HS3ST3B1: variants seen among roughly 807,000 people sequenced by gnomAD.
HS3ST3B1 encodes the protein heparan sulfate glucosamine 3-O-sulfotransferase 3B1.
A neutral mutation model predicts 21.3 loss-of-function variants in HS3ST3B1; 13 were observed. The observed-to-expected ratio is 0.61, with a 90% CI of 0.40 to 0.97. The LOEUF is 0.97. HS3ST3B1 is among the 50% of genes least tolerant of loss of function. The pLI is 0.00. For missense variants in HS3ST3B1, 459 were observed against 554.8 expected (o/e 0.83, Z 1.73); for synonymous variants, 234 against 254.8 (o/e 0.92, Z 0.78).
At chr17:14,302,495 G>A (rs886864) in intron 1 of HS3ST3B1, among the ~76,000 whole-genome samples, 2 of 152,000 alleles carry the variant, frequency 1.3e-5, no homozygotes, top group African/African-American at 2.4e-5. Flanking sequence ...CCGCCCTCAA[G>A]GAACTTCTAG....
intron 1 of HS3ST3B1, among the ~76,000 whole-genome samples, chr17:14,319,396 A>C (rs1006712550): frequency 1.3e-5 from 2 of 152,160 alleles, no homozygotes; most frequent in Admixed American, 1.3e-4. Context: ...GATTATATCC[A>C]TTTGGAAGCC....
In HS3ST3B1 at chr17:14,345,820, T is replaced by C; in HGVS notation, c.*174T>C. On this transcript the variant is annotated 3_prime_UTR_variant, in exon 2 of 2. Coordinates refer to ENST00000360954, the MANE Select transcript of HS3ST3B1 (RefSeq NM_006041.3). Reference sequence around the variant, plus strand: ...GAGTTAGCTTCATAATCTGTTAACATTCCAAAGTGTTTAACTCTAGTATTT... The same window carrying C: ...GAGTTAGCTTCATAATCTGTTAACACTCCAAAGTGTTTAACTCTAGTATTT... 1 of 817,866 alleles carries C rather than the reference T, an allele frequency of 1.2e-6. No homozygotes were observed. Among genetic ancestry groups the C allele is most frequent in the Non-Finnish European group, 1.8e-6 (1 of 549,234 alleles). 50.7% of individuals were successfully genotyped at this position (817,866 alleles called of 1,614,324 possible).
Position 14,345,460 on chromosome 17 carries a change from C to T in HS3ST3B1, c.987C>T (p.Asn329=). 6.7e-7 allele frequency: 1 copy of T among 1,481,880 alleles called. No individual in the cohort carries two copies. Among genetic ancestry groups the T allele is most frequent in the Non-Finnish European group, 9.3e-7 (1 of 1,069,858 alleles). The allele number at this position is 1,481,880 out of a possible 1,614,324, so 91.8% of individuals were successfully genotyped here. A position where few individuals can be genotyped will look rare whatever the true frequency, so the allele number is the denominator to read the frequency against. The change falls in exon 2 of 2, where the codon AAC becomes AAT. Residue 329 remains asparagine, a synonymous_variant. Coordinates refer to ENST00000360954, the MANE Select transcript of HS3ST3B1 (RefSeq NM_006041.3). ...RIITDKHFYF[N]KTKGFPCLKK... ...TCACGGACAAGCACTTCTACTTCAA[C>T]AAGACCAAGGGCTTCCCCTGCCTGA...
At chr17:14,343,251 AAAAG>A (rs1910446114) in intron 1 of HS3ST3B1, among the ~76,000 whole-genome samples, 1 of 151,910 alleles carries the variant, frequency 6.6e-6, no homozygotes, top group Non-Finnish European at 1.5e-5. Context: ...CAAAAAAAAA[AAAAG>A]AAAAGAAAAG....
At chr17:14,305,783 A>T (rs2142323125) in intron 1 of HS3ST3B1, among the ~76,000 whole-genome samples, 1 of 152,330 alleles carries the variant, frequency 6.6e-6, no homozygotes, top group African/African-American at 2.4e-5. Context: ...AAATGGTGGT[A>T]GCTAACACTT....
chr17:14,342,314 T>C (rs1597603982), intron 1 of HS3ST3B1, among the ~76,000 whole-genome samples: 1 of 152,222 alleles, frequency 6.6e-6, no homozygotes, highest in African/African-American at 2.4e-5. Flanking sequence ...CCATAGTAGA[T>C]AGCTAATAGA....
At chr17:14,344,931 A>C in intron 1 of HS3ST3B1, 97 bp from the exon 2 acceptor site, 1 of 1,481,232 alleles carries the variant, frequency 6.8e-7, no homozygotes, top group Non-Finnish European at 9.0e-7. Context: ...CTGCTTCCAG[A>C]AATAAGAGGG....
intron 1 of HS3ST3B1, among the ~76,000 whole-genome samples, chr17:14,338,495 T>G (rs1300269038): frequency 1.3e-5 from 2 of 151,428 alleles, no homozygotes; most frequent in East Asian, 3.9e-4. Flanking sequence ...CAGGCTGGAG[T>G]GCAATGGCAC....
chr17:14,315,565 G>A (rs550183658), intron 1 of HS3ST3B1, among the ~76,000 whole-genome samples: 13 of 152,266 alleles, frequency 8.5e-5, no homozygotes, highest in African/African-American at 3.1e-4. Context: ...GCTCATGCCT[G>A]TAATCCCAGC....
chr17:14,320,786 C>T (rs1212418614), intron 1 of HS3ST3B1, among the ~76,000 whole-genome samples: 1 of 152,148 alleles, frequency 6.6e-6, no homozygotes, highest in African/African-American at 2.4e-5. Context: ...AATTCCATTT[C>T]TCAGCTCCGC....
In HS3ST3B1 at chr17:14,309,238, G is replaced by C. The variant is rs551145529; in HGVS notation, c.554+7166G>C. On this transcript the variant is annotated intron_variant, in intron 1 of 1. Transcript: ENST00000360954. Reference sequence around the variant, plus strand: ...AATCGACGCGGCCCTGGTGTCGCGCGGGATCGCCGCCTCTGGCCCGGGGGC... The same window carrying C: ...AATCGACGCGGCCCTGGTGTCGCGCCGGATCGCCGCCTCTGGCCCGGGGGC... Among the ~76,000 whole-genome samples the C allele has an allele frequency of 2.6e-4, 40 of 152,336 alleles. 1 individual carries two copies. The highest frequency in any genetic ancestry group is 6.5e-4 in the Admixed American group (10 of 15,310).
intron 1 of HS3ST3B1, among the ~76,000 whole-genome samples, chr17:14,302,728 G>A (rs1469236176): frequency 6.6e-6 from 1 of 152,064 alleles, no homozygotes; most frequent in Non-Finnish European, 1.5e-5. Flanking sequence ...GTGGAGCTGT[G>A]CTGGTCCCTG....
At position 14,313,113 on chromosome 17, in the gene HS3ST3B1, T is replaced by TATATATATATATAC. The variant is rs1555548211; in HGVS notation, c.554+11051_554+11052insATACATATATATAT. On this transcript the variant is annotated intron_variant, in intron 1 of 1. Coordinates refer to ENST00000360954, the MANE Select transcript of HS3ST3B1 (RefSeq NM_006041.3). Reference sequence around the variant, plus strand: ...TGTGTGGTGTGTGTGTGTGTGTATATATATATATATGTGTGTGTGTGTATA... The same window carrying TATATATATATATAC: ...TGTGTGGTGTGTGTGTGTGTGTATATATATATATATATACATATATATATGTGTGTGTGTGTATA... Among the ~76,000 whole-genome samples, 298 of 129,768 alleles carry TATATATATATATAC rather than the reference T, an allele frequency of 2.3e-3. 1 individual carries two copies. The highest frequency in any genetic ancestry group is 3.9e-3 in the Middle Eastern group (1 of 258). 85.1% of individuals were successfully genotyped at this position (129,768 alleles called of 152,430 possible).
intron 1 of HS3ST3B1, chr17:14,305,453 C>T (rs989631196): frequency 5.3e-5 from 8 of 152,166 alleles, no homozygotes; most frequent in Admixed American, 3.3e-4. Context: ...TACATTTAGG[C>T]TTGGGATGTT....
chr17:14,348,095 G>C lies in HS3ST3B1; in HGVS notation c.*2449G>C, dbSNP rs1031133007. ...ATCATTCTGATGGTCTGATGTGGCT[G>C]TTGATGTGGAACTGCAGAAGAGTTC... On this transcript the variant is annotated 3_prime_UTR_variant, in exon 2 of 2. Coordinates refer to ENST00000360954, the MANE Select transcript of HS3ST3B1 (RefSeq NM_006041.3). The C allele has an allele frequency of 2.0e-5, 3 of 152,234 alleles. No homozygotes were observed. Among genetic ancestry groups the C allele is most frequent in the Non-Finnish European group, 2.9e-5 (2 of 68,056 alleles). The allele number at this position is 152,234 out of a possible 1,614,324, so 9.4% of individuals were successfully genotyped here. A position where few individuals can be genotyped will look rare whatever the true frequency, so the allele number is the denominator to read the frequency against.
chr17:14,320,612 A>T (rs964935109), intron 1 of HS3ST3B1, among the ~76,000 whole-genome samples: 3 of 152,106 alleles, frequency 2.0e-5, no homozygotes, highest in Non-Finnish European at 4.4e-5. Flanking sequence ...AATAGTATTG[A>T]ACAGAAATTG....
At chr17:14,330,120 A>T (rs920296047) in intron 1 of HS3ST3B1, among the ~76,000 whole-genome samples, 1 of 152,224 alleles carries the variant, frequency 6.6e-6, no homozygotes, top group Non-Finnish European at 1.5e-5. Flanking sequence ...CACCAGGCTG[A>T]GTGCCTCATT....
At chr17:14,329,856 A>G (rs1909952148) in intron 1 of HS3ST3B1, among the ~76,000 whole-genome samples, 1 of 152,250 alleles carries the variant, frequency 6.6e-6, no homozygotes, top group African/African-American at 2.4e-5. Context: ...CATTTCTCTC[A>G]TCCAGAGCCA....
chr17:14,340,159 C>T (rs374404235), intron 1 of HS3ST3B1, among the ~76,000 whole-genome samples: 5 of 152,210 alleles, frequency 3.3e-5, no homozygotes, highest in South Asian at 4.1e-4. Flanking sequence ...AACTTCAGTC[C>T]GCCTCCTGAA....
Sources: gnomAD v4.1 joint callset for allele counts (sites outside exome capture counted in the v4.1 genomes callset) on GRCh38, gnomAD v4.1.1 for gene constraint, MANE v1.5 for transcripts, NCBI Gene and HGNC (gene_info 2026-07-23, HGNC 2026-07-21) for gene names.